Variants in PPP2R5E observed in about 807,000 individuals in gnomAD.
The protein encoded by PPP2R5E is serine/threonine-protein phosphatase 2A 56 kDa regulatory subunit epsilon isoform.
Under a neutral mutation model 65.3 loss-of-function variants are expected in PPP2R5E, and 4 were observed. The observed-to-expected ratio is 0.06, with a 90% CI of 0.03 to 0.14. The LOEUF (loss-of-function observed/expected upper bound fraction) is 0.14, where lower values mean the gene tolerates loss of function less well. Among genes scored for constraint, PPP2R5E ranks in the 10% least tolerant of loss-of-function variants. The pLI is 1.00. For synonymous variants in PPP2R5E, 183 were observed against 187.4 expected (o/e 0.98, Z 0.19); for missense variants, 274 against 556.1 (o/e 0.49, Z 5.10).
chr14:63,402,209 A>G (rs1219889576), intron 5 of PPP2R5E, among the ~76,000 whole-genome samples: 1 of 152,258 alleles, frequency 6.6e-6, no homozygotes, highest in Non-Finnish European at 1.5e-5. Flanking sequence ...CCCTTTTGGA[A>G]GAAACTGACA....
At chr14:63,433,802 C>T (rs1440653324) in intron 3 of PPP2R5E, among the ~76,000 whole-genome samples, 1 of 152,136 alleles carries the variant, frequency 6.6e-6, no homozygotes, top group Non-Finnish European at 1.5e-5. Context: ...TCCTGTTTCG[C>T]CCCCATGCAC....
At chr14:63,385,760 T>G (rs1228698575) in intron 11 of PPP2R5E, among the ~76,000 whole-genome samples, 1 of 144,274 alleles carries the variant, frequency 6.9e-6, no homozygotes, top group Admixed American at 6.8e-5. Flanking sequence ...AAGGTTACAC[T>G]GACAATATGG....
At position 63,386,340 on chromosome 14, in the gene PPP2R5E, C is replaced by T. The variant is rs1884662421; in HGVS notation, c.1075-1769G>A. On this transcript the variant is annotated intron_variant, in intron 11 of 13. Transcript: ENST00000337537. ...TCCTCACAACCAACAGAGTTGGTAC[C>T]ATTACTTTTCTATTTTGTGGATGAA... 3.3e-5 allele frequency among the ~76,000 whole-genome samples: 5 copies of T among 152,262 alleles called. No individual in the cohort carries two copies. In the South Asian group the frequency reaches 1.0e-3, roughly 32 times the overall value.
chr14:63,508,627 T>C (rs998766423), intron 2 of PPP2R5E, among the ~76,000 whole-genome samples: 1 of 152,182 alleles, frequency 6.6e-6, no homozygotes, highest in African/African-American at 2.4e-5. Flanking sequence ...CAACAGTAAA[T>C]GGCAAAACTG....
chr14:63,432,555 CAG>C (rs1887731122), intron 3 of PPP2R5E, among the ~76,000 whole-genome samples: 1 of 152,044 alleles, frequency 6.6e-6, no homozygotes, highest in Admixed American at 6.5e-5. Context: ...AAGGGGACAA[CAG>C]GGAAAAACTG....
Position 63,458,891 on chromosome 14 carries a change from A to G in PPP2R5E, c.158-5006T>C, listed in dbSNP as rs1594896447. On this transcript the variant is annotated intron_variant, in intron 2 of 13. Coordinates refer to ENST00000337537, the MANE Select transcript of PPP2R5E (RefSeq NM_006246.5). ...TTTTTACCTGAAAATGTCCTAAGGTATTACTCACTTAGCCCTTTTACTTCT... is the reference window on the plus strand; with the variant it reads ...TTTTTACCTGAAAATGTCCTAAGGTGTTACTCACTTAGCCCTTTTACTTCT... Among the ~76,000 whole-genome samples, 7 of 152,316 alleles carry G rather than the reference A, an allele frequency of 4.6e-5. No homozygotes were observed. In the South Asian group the frequency reaches 1.2e-3, roughly 27 times the overall value.
chr14:63,530,358 G>A (rs1451161185), intron 2 of PPP2R5E, among the ~76,000 whole-genome samples: 5 of 147,536 alleles, frequency 3.4e-5, no homozygotes, highest in East Asian at 2.1e-4. Context: ...TCAGCCTCCC[G>A]AGTAGCTGGG....
intron 2 of PPP2R5E, among the ~76,000 whole-genome samples, chr14:63,497,462 C>T (rs78380582): frequency 0.02 from 3,109 of 152,168 alleles, 108 homozygotes; most frequent in African/African-American, 0.071. Context: ...TATAAAAACA[C>T]ATGAACCTGG....
intron 10 of PPP2R5E, among the ~76,000 whole-genome samples, chr14:63,391,401 CTTTGTTTTGTTTTGT>C (rs10681833): frequency 3.1e-4 from 44 of 143,272 alleles, no homozygotes; most frequent in South Asian, 8.5e-4. Context: ...TGCAGTTTTG[CTTTGTTTTGTTTTGT>C]TTTGTTTTGT....
chr14:63,409,742 A>C (rs1886295683), intron 5 of PPP2R5E, among the ~76,000 whole-genome samples: 1 of 152,240 alleles, frequency 6.6e-6, no homozygotes, highest in South Asian at 2.1e-4. Context: ...CACACTGCCA[A>C]GTGAACTAAG....
intron 2 of PPP2R5E, among the ~76,000 whole-genome samples, chr14:63,495,818 G>A (rs1891529881): frequency 6.6e-6 from 1 of 151,772 alleles, no homozygotes. Context: ...AGCCTCCCAA[G>A]TAACTGAGAA....
In PPP2R5E at chr14:63,407,203, A is replaced by C. The variant is rs530120162; in HGVS notation, c.549+7937T>G. On this transcript the variant is annotated intron_variant, in intron 5 of 13. Transcript: ENST00000337537. Reference sequence around the variant, plus strand: ...TAGTTATGTCACTTGTCCAAGGTCGAATACAAAAAAAATGGCAGAGCCCGA... The same window carrying C: ...TAGTTATGTCACTTGTCCAAGGTCGCATACAAAAAAAATGGCAGAGCCCGA... 1.4e-3 allele frequency among the ~76,000 whole-genome samples: 217 copies of C among 152,348 alleles called. 1 individual carries two copies. Among genetic ancestry groups the C allele is most frequent in the African/African-American group, 5.0e-3 (209 of 41,580 alleles).
chr14:63,535,592 T>C (rs76144012), intron 2 of PPP2R5E, among the ~76,000 whole-genome samples: 1,856 of 151,276 alleles, frequency 0.012, 34 homozygotes, highest in African/African-American at 0.044. Context: ...CGAGTGGTTA[T>C]TAATGCATAT....
chr14:63,421,397 A>G (rs1887015314), intron 4 of PPP2R5E, among the ~76,000 whole-genome samples: 2 of 152,160 alleles, frequency 1.3e-5, no homozygotes, highest in Non-Finnish European at 1.5e-5. Flanking sequence ...GGAAACAGAG[A>G]TGCAGTGATG....
At chr14:63,463,637 C>T (rs1889619259) in intron 2 of PPP2R5E, among the ~76,000 whole-genome samples, 1 of 150,728 alleles carries the variant, frequency 6.6e-6, no homozygotes, top group Non-Finnish European at 1.5e-5. Flanking sequence ...AGCTCTGTCA[C>T]CCAGGCTGCA....
At chr14:63,542,012 G>A (rs1363782786) in intron 1 of PPP2R5E, among the ~76,000 whole-genome samples, 2 of 151,942 alleles carry the variant, frequency 1.3e-5, no homozygotes, top group Non-Finnish European at 2.9e-5. Flanking sequence ...TTTCCATTCG[G>A]GTATGTGAAT....
At chr14:63,389,870 C>A in intron 10 of PPP2R5E, 139 bp from the exon 11 acceptor site, 1 of 946,310 alleles carries the variant, frequency 1.1e-6, no homozygotes, top group Non-Finnish European at 1.5e-6. Context: ...CAGTCATTAT[C>A]CCATGTTAGA....
At chr14:63,511,382 T>C (rs970591286) in intron 2 of PPP2R5E, among the ~76,000 whole-genome samples, 1 of 152,152 alleles carries the variant, frequency 6.6e-6, no homozygotes, top group African/African-American at 2.4e-5. Flanking sequence ...CTGTAGCCCT[T>C]GCCAACCGTC....
rs557285871 is a variant in PPP2R5E at position 63,519,507 on chromosome 14, A to ATTTTTTT, written c.157+20015_157+20021dup. Reference sequence around the variant, plus strand: ...AGGCACACACCACCATGCCCAGCTAATTTTTTTTTTTTTTTTTTGTATTTT... The same window carrying ATTTTTTT: ...AGGCACACACCACCATGCCCAGCTAATTTTTTTTTTTTTTTTTTTTTTTTTGTATTTT... On this transcript the variant is annotated intron_variant, in intron 2 of 13. Transcript: ENST00000337537. Among the ~76,000 whole-genome samples the ATTTTTTT allele has an allele frequency of 1.9e-3, 236 of 124,298 alleles. 1 individual carries two copies. The highest frequency in any genetic ancestry group is 7.4e-3 in the African/African-American group (227 of 30,514). 81.5% of individuals were successfully genotyped at this position (124,298 alleles called of 152,430 possible).
Sources: gnomAD v4.1 joint callset for allele counts (sites outside exome capture counted in the v4.1 genomes callset) on GRCh38, gnomAD v4.1.1 for gene constraint, MANE v1.5 for transcripts, NCBI Gene and HGNC (gene_info 2026-07-23, HGNC 2026-07-21) for gene names.